The following REN variants were observed in gnomAD, a reference collection of about 807,000 sequenced individuals.
The protein encoded by REN is angiotensin-forming enzyme.
REN carries 42 observed loss-of-function variants against 48.6 expected under a neutral mutation model. The observed-to-expected ratio is 0.86, with a 90% CI of 0.68 to 1.12. The LOEUF (loss-of-function observed/expected upper bound fraction) is 1.12. Ranked by LOEUF, REN falls within the 50% of genes most tolerant of loss-of-function variation. The pLI is 0.00. For missense variants in REN, 443 were observed against 527.3 expected (o/e 0.84, Z 1.57); for synonymous variants, 196 against 204.6 (o/e 0.96, Z 0.36).
At position 204,162,173 on chromosome 1, in the gene REN, G is replaced by A. The variant is rs368317210; in HGVS notation, c.99-10C>T. 4 of 1,613,794 alleles carry A rather than the reference G, an allele frequency of 2.5e-6. No homozygotes were observed. The highest frequency in any genetic ancestry group is 3.4e-6 in the Non-Finnish European group (4 of 1,179,982). On this transcript the variant is annotated splice_polypyrimidine_tract_variant and intron_variant, in intron 1 of 9. Coordinates refer to ENST00000272190, the MANE Select transcript of REN (RefSeq NM_000537.4). ...TCTCTTGAGGAAGATCCTGGCCCAG[G>A]GTGGAGGAAGCAAAAATAGAAAAGT...
Position 204,155,369 on chromosome 1 carries a change from CT to C in REN, c.1060-193del, listed in dbSNP as rs1658130151. On this transcript the variant is annotated intron_variant, in intron 9 of 9. Transcript: ENST00000272190. ...ACTGCACCACTCCTATGTTTAGCCC[CT>C]GTGCTAGATCCCAGGCAAACAATGC... is the stretch of plus-strand genomic sequence containing the variant. Among the ~76,000 whole-genome samples the C allele has an allele frequency of 2.0e-5, 3 of 152,190 alleles. No homozygotes were observed. In the South Asian group the frequency reaches 6.2e-4, roughly 31 times the overall value.
At position 204,161,916 on chromosome 1, in the gene REN, C is replaced by T. The variant is rs1558245490; in HGVS notation, c.249+97G>A. 3 of 1,513,598 alleles carry T rather than the reference C, an allele frequency of 2.0e-6. No individual in the cohort carries two copies. In the Admixed American group the frequency reaches 5.3e-5, roughly 27 times the overall value. The allele number at this position is 1,513,598 out of a possible 1,614,324, so 93.8% of individuals were successfully genotyped here. On this transcript the variant is annotated intron_variant, in intron 2 of 9. Coordinates refer to ENST00000272190, the MANE Select transcript of REN (RefSeq NM_000537.4). Reference sequence around the variant, plus strand: ...CGTGCTACTCAGCGCCTTCGTCAAACACAGCTTGGAAAGGGTGAGTCTTGC... The same window carrying T: ...CGTGCTACTCAGCGCCTTCGTCAAATACAGCTTGGAAAGGGTGAGTCTTGC...
Position 204,160,595 on chromosome 1 carries a change from T to G in REN, c.457A>C (p.Thr153Pro). 1 of 1,614,142 alleles carries G rather than the reference T, an allele frequency of 6.2e-7. No individual in the cohort carries two copies. Among genetic ancestry groups the G allele is most frequent in the African/African-American group, 1.3e-5 (1 of 75,054 alleles). ...TELTLRYSTG[T>P]VSGFLSQDII... ...TCCTGGCTGAGAAAGCCACTGACTG[T>G]CCCTGTTGAATAGCGGAGGGTGAGT... Residue 153 changes from threonine to proline, a missense_variant, in exon 4 of 10, where the codon ACA becomes CCA. Thr to Pro is a conservative substitution (Grantham distance 38). Coordinates refer to ENST00000272190, the MANE Select transcript of REN (RefSeq NM_000537.4).
At chr1:204,158,853 C>G (rs757657927) in intron 5 of REN, among the ~76,000 whole-genome samples, 2 of 152,184 alleles carry the variant, frequency 1.3e-5, no homozygotes, top group Non-Finnish European at 2.9e-5. Flanking sequence ...TCACTGTGTT[C>G]ACTGCTGCAC....
chr1:204,161,719 C>T (rs1658249472), intron 2 of REN, among the ~76,000 whole-genome samples: 1 of 152,032 alleles, frequency 6.6e-6, no homozygotes. Context: ...TGGGCCAGGT[C>T]ACAGAAACCC....
intron 5 of REN, among the ~76,000 whole-genome samples, chr1:204,158,608 C>G (rs1378799367): frequency 2.6e-5 from 4 of 152,096 alleles, no homozygotes; most frequent in Non-Finnish European, 5.9e-5. Context: ...CTCTTGTCTC[C>G]AACTCATGCC....
chr1:204,156,918 G>T lies in REN; in HGVS notation c.699-122C>A. On this transcript the variant is annotated intron_variant, in intron 6 of 9. Coordinates refer to ENST00000272190, the MANE Select transcript of REN (RefSeq NM_000537.4). The surrounding 1 kb of genome is among the most constrained non-coding windows in gnomAD (Gnocchi z 4.2). Reference sequence around the variant, plus strand: ...AGAGGGCTCTAGAGCAGAGGAATGTGGGACAGACAGCCAGGCTCGGAGCTG... The same window carrying T: ...AGAGGGCTCTAGAGCAGAGGAATGTTGGACAGACAGCCAGGCTCGGAGCTG... 1 of 1,258,384 alleles carries T rather than the reference G, an allele frequency of 7.9e-7. No individual in the cohort carries two copies. The highest frequency in any genetic ancestry group is 1.1e-6 in the Non-Finnish European group (1 of 872,072). 78.0% of individuals were successfully genotyped at this position (1,258,384 alleles called of 1,614,324 possible).
intron 2 of REN, 107 bp from the exon 3 acceptor site, chr1:204,161,522 G>T (rs989097753): frequency 1.8e-6 from 2 of 1,119,604 alleles, no homozygotes; most frequent in African/African-American, 1.6e-5. Context: ...CCCAGGCGAG[G>T]TCCTATAGCC....
intron 1 of REN, among the ~76,000 whole-genome samples, chr1:204,165,472 C>A (rs918290105): frequency 1.3e-5 from 2 of 152,186 alleles, no homozygotes; most frequent in Non-Finnish European, 2.9e-5. Flanking sequence ...GATTCCAGAC[C>A]TAGTTTGTTC....
chr1:204,163,445 C>T (rs1003160274), intron 1 of REN, among the ~76,000 whole-genome samples: 1 of 152,174 alleles, frequency 6.6e-6, no homozygotes, highest in African/African-American at 2.4e-5. Context: ...TTTATTACTC[C>T]CACTTCACAG....
At chr1:204,166,045 G>T in intron 1 of REN, 151 bp downstream of exon 1, 1 of 716,936 alleles carries the variant, frequency 1.4e-6, no homozygotes, top group Non-Finnish European at 2.5e-6. Context: ...CATTTATTGG[G>T]CAAGTCACTT....
chr1:204,161,141 C>A, intron 3 of REN, 151 bp downstream of exon 3: 1 of 916,170 alleles, frequency 1.1e-6, no homozygotes, highest in African/African-American at 1.7e-5. Flanking sequence ...GAGACATCTT[C>A]CCCTCTCCCC....
rs1379379993 is a variant in REN at position 204,160,686 on chromosome 1, G to C, written c.374-8C>G. 26 of 1,601,750 alleles carry C rather than the reference G, an allele frequency of 1.6e-5. No homozygotes were observed. Among genetic ancestry groups the C allele is most frequent in the Non-Finnish European group, 2.1e-5 (25 of 1,168,616 alleles). ...CGAAGAGCTTGTGATACACTGGCAG[G>C]GGGACAGAGGCTCAGGTTTGTCCAA... On this transcript the variant is annotated splice_polypyrimidine_tract_variant and splice_region_variant and intron_variant, in intron 3 of 9. Transcript: ENST00000272190.
At chr1:204,155,535 T>C (rs1434665798) in intron 9 of REN, among the ~76,000 whole-genome samples, 1 of 152,094 alleles carries the variant, frequency 6.6e-6, no homozygotes, top group Non-Finnish European at 1.5e-5. Flanking sequence ...GAGTATTTGA[T>C]GAGAAAATGG....
chr1:204,161,357 A>G lies in REN; in HGVS notation c.308T>C (p.Phe103Ser), dbSNP rs1211712060. The G allele has an allele frequency of 6.2e-7, 1 of 1,608,848 alleles. No individual in the cohort carries two copies. Among genetic ancestry groups the G allele is most frequent in the South Asian group, 1.1e-5 (1 of 89,632 alleles). ...GTPPQTFKVVFDTGSSNVWVP... is the reference protein window; with the variant it reads ...GTPPQTFKVVSDTGSSNVWVP... The stretch of plus-strand genomic sequence containing the variant: ...CCAAACATTGGACGAACCAGTGTCA[A>G]AGACGACTTTGAAGGTCTGGGGTGG... The change falls in exon 3 of 10, where the codon TTT becomes TCT. Residue 103 changes from phenylalanine to serine, a missense_variant. By Grantham distance (155) the Phe-to-Ser change is radical. Coordinates refer to ENST00000272190, the MANE Select transcript of REN (RefSeq NM_000537.4).
Position 204,156,945 on chromosome 1 carries a change from C to T in REN, c.699-149G>A, listed in dbSNP as rs990335609. On this transcript the variant is annotated intron_variant, in intron 6 of 9. Transcript: ENST00000272190. The surrounding 1 kb of genome is among the most constrained non-coding windows in gnomAD (Gnocchi z 4.2). Reference sequence around the variant, plus strand: ...GACAGACAGCCAGGCTCGGAGCTGTCGTTGGGAAGCATGCAGAACATACTG... The same window carrying T: ...GACAGACAGCCAGGCTCGGAGCTGTTGTTGGGAAGCATGCAGAACATACTG... The T allele has an allele frequency of 2.1e-5, 22 of 1,025,918 alleles. No homozygotes were observed. The highest frequency in any genetic ancestry group is 3.0e-4 in the Middle Eastern group (1 of 3,376). The allele number at this position is 1,025,918 out of a possible 1,614,324, so 63.6% of individuals were successfully genotyped here. A position where few individuals can be genotyped will look rare whatever the true frequency, so the allele number is the denominator to read the frequency against.
intron 9 of REN, 102 bp from the exon 10 acceptor site, chr1:204,155,279 GC>G (rs71568021): frequency 5.5e-5 from 75 of 1,367,180 alleles, no homozygotes; most frequent in Non-Finnish European, 6.9e-5. Flanking sequence ...TCCCCCTCTC[GC>G]CCCCATCTCT....
At position 204,156,195 on chromosome 1, in the gene REN, T is replaced by G. The variant is rs1658146114; in HGVS notation, c.943A>C (p.Lys315Gln). Residue 315 changes from lysine (K) to glutamine (Q), a missense_variant, in exon 8 of 10, where the codon AAG (lysine) becomes CAG (glutamine). Lys to Gln is a moderately conservative substitution (Grantham distance 53, BLOSUM62 1). Coordinates refer to ENST00000272190, the MANE Select transcript of REN (RefSeq NM_000537.4). The surrounding 1 kb of genome is among the most constrained non-coding windows in gnomAD (Gnocchi z 4.2). Reference sequence around the variant, plus strand: ...CTTCTTACATCAAACAGCCTCTTCTTGGCTCCCAAGGCCTCCATGAGCTTC... The same window carrying G: ...CTTCTTACATCAAACAGCCTCTTCTGGGCTCCCAAGGCCTCCATGAGCTTC... ...IEKLMEALGA[K>Q]KRLFDYVVKC... 6.2e-7 allele frequency: 1 copy of G among 1,614,238 alleles called. No individual in the cohort carries two copies. Among genetic ancestry groups the G allele is most frequent in the Middle Eastern group, 1.6e-4 (1 of 6,062 alleles).
intron 5 of REN, among the ~76,000 whole-genome samples, chr1:204,158,381 G>C (rs1658187083): frequency 6.9e-6 from 1 of 145,496 alleles, no homozygotes; most frequent in Non-Finnish European, 1.5e-5. Context: ...TATTCTTTTT[G>C]CCACTGGCCT....
Sources: allele counts gnomAD v4.1 joint callset (sites outside exome capture counted in the v4.1 genomes callset), GRCh38; gene constraint gnomAD v4.1.1; non-coding constraint Gnocchi (gnomAD v3.1); transcripts MANE v1.5; gene names NCBI Gene and HGNC (gene_info 2026-07-23, HGNC 2026-07-21).